DENND3: variants seen among roughly 807,000 people sequenced by gnomAD.
DENND3 encodes the protein DENN domain containing 3.
Under a neutral mutation model 135.1 loss-of-function variants are expected in DENND3, and 88 were observed. The observed-to-expected ratio is 0.65, with a 90% CI of 0.55 to 0.78. The LOEUF is 0.78. Ranked by LOEUF, DENND3 falls within the 30% of genes least tolerant of loss-of-function variation. DENND3 has a pLI of 0.00. For synonymous variants in DENND3, 693 were observed against 712.3 expected (o/e 0.97, Z 0.43); for missense variants, 1,392 against 1,688.4 (o/e 0.82, Z 3.08).
intron 8 of DENND3, among the ~76,000 whole-genome samples, chr8:141,158,438 A>G (rs1017979984): frequency 6.6e-6 from 1 of 152,212 alleles, no homozygotes; most frequent in African/African-American, 2.4e-5. Context: ...GAATAGAAAC[A>G]CACACGATAC....
In DENND3 at chr8:141,145,824, TATATATATATATATATATATATATA is replaced by T. The variant is rs1379691947; in HGVS notation, c.735+1566_735+1590del. On this transcript the variant is annotated intron_variant, in intron 5 of 22. Transcript: ENST00000519811. ...AATATTATATATATATATATATATA[TATATATATATATATATATATATATA>T]TGTATTTTTTTTTTTTTGAGGCGGA... 3.9e-3 allele frequency among the ~76,000 whole-genome samples: 157 copies of T among 40,364 alleles called. 3 individuals are homozygous for T. Among genetic ancestry groups the T allele is most frequent in the African/African-American group, 0.011 (118 of 10,330 alleles). The allele number at this position is 40,364 out of a possible 152,430, so 26.5% of individuals were successfully genotyped here.
At chr8:141,189,645 C>T (rs1165443111) in intron 19 of DENND3, among the ~76,000 whole-genome samples, 4 of 152,308 alleles carry the variant, frequency 2.6e-5, no homozygotes, top group Middle Eastern at 3.4e-3. Flanking sequence ...CAAGGCTGCC[C>T]ACTTGGTCCA....
At chr8:141,163,019 C>A (rs918903153) in intron 9 of DENND3, among the ~76,000 whole-genome samples, 2 of 152,188 alleles carry the variant, frequency 1.3e-5, no homozygotes, top group African/African-American at 4.8e-5. Context: ...TCTGGGCTCC[C>A]CACCCTGAAC....
chr8:141,192,755 C>T (rs1473659931), intron 22 of DENND3, 92 bp downstream of exon 22: 1 of 1,606,920 alleles, frequency 6.2e-7, no homozygotes, highest in African/African-American at 1.3e-5. Context: ...GCCGCACGCC[C>T]TCGTGCCCTC....
chr8:141,147,090 G>A (rs1364740627), intron 5 of DENND3, among the ~76,000 whole-genome samples: 1 of 152,204 alleles, frequency 6.6e-6, no homozygotes, highest in Non-Finnish European at 1.5e-5. Context: ...GAAGGTGACT[G>A]AGGGTTGCCG....
At position 141,166,734 on chromosome 8, in the gene DENND3, G is replaced by C. The variant is rs2048362; in HGVS notation, c.1753+345G>C. 1.4e-4 allele frequency among the ~76,000 whole-genome samples: 21 copies of C among 152,212 alleles called. No individual in the cohort carries two copies. Among genetic ancestry groups the C allele is most frequent in the African/African-American group, 4.6e-4 (19 of 41,514 alleles). ...ACACGTGTGATAGGAGGCAGGGAGC[G>C]CACCAGGCACTTTCTAGAGCCGGAG... On this transcript the variant is annotated intron_variant, in intron 12 of 22. Coordinates refer to ENST00000519811, the MANE Select transcript of DENND3 (RefSeq NM_001352890.3). The surrounding 1 kb of genome is among the most constrained non-coding windows in gnomAD (Gnocchi z 4.3).
At chr8:141,186,641 A>G (rs1269480921) in intron 18 of DENND3, among the ~76,000 whole-genome samples, 1 of 152,194 alleles carries the variant, frequency 6.6e-6, no homozygotes, top group East Asian at 1.9e-4. Flanking sequence ...CACACCCCTG[A>G]TTTAAAGCAA....
At position 141,138,217 on chromosome 8, in the gene DENND3, C is replaced by T; in HGVS notation, c.501+80C>T. The T allele has an allele frequency of 7.3e-7, 1 of 1,368,338 alleles. No homozygotes were observed. The highest frequency in any genetic ancestry group is 1.0e-6 in the Non-Finnish European group (1 of 985,964). 84.8% of individuals were successfully genotyped at this position (1,368,338 alleles called of 1,614,324 possible). ...TGAAATACACATAACACAACATTCA[C>T]CATTCTAACCATTTTAAAGTGTGCA... On this transcript the variant is annotated intron_variant, in intron 3 of 22. Coordinates refer to ENST00000519811, the MANE Select transcript of DENND3 (RefSeq NM_001352890.3). The surrounding 1 kb of genome is among the most constrained non-coding windows in gnomAD (Gnocchi z 4.8).
At chr8:141,148,498 C>A (rs1589579629) in intron 5 of DENND3, among the ~76,000 whole-genome samples, 1 of 152,034 alleles carries the variant, frequency 6.6e-6, no homozygotes, top group East Asian at 1.9e-4. Flanking sequence ...CACACACATT[C>A]TTCTCTTGTA....
chr8:141,130,206 T>C lies in DENND3; in HGVS notation c.102+1397T>C, dbSNP rs568323620. On this transcript the variant is annotated intron_variant, in intron 1 of 22. Coordinates refer to ENST00000519811, the MANE Select transcript of DENND3 (RefSeq NM_001352890.3). The surrounding 1 kb of genome is among the most constrained non-coding windows in gnomAD (Gnocchi z 4.2). ...GAATCAACTGGAATATTTGCAGTGG[T>C]GCTTTCTTTTTTTCAATTTCTTTAT... 9.3e-4 allele frequency among the ~76,000 whole-genome samples: 142 copies of C among 152,258 alleles called. 2 individuals are homozygous for C. The highest frequency in any genetic ancestry group is 3.1e-4 in the Non-Finnish European group (21 of 68,022).
chr8:141,178,240 A>T, intron 16 of DENND3, 44 bp downstream of exon 16: 1 of 1,579,236 alleles, frequency 6.3e-7, no homozygotes, highest in Non-Finnish European at 8.7e-7. Flanking sequence ...TCCTGATTAC[A>T]CGCCTTAAGT....
Position 141,168,082 on chromosome 8 carries a change from A to G in DENND3, c.1832A>G (p.Gln611Arg), listed in dbSNP as rs1298414316. 27 of 1,614,044 alleles carry G rather than the reference A, an allele frequency of 1.7e-5. No homozygotes were observed. Among genetic ancestry groups the G allele is most frequent in the Non-Finnish European group, 2.2e-5 (26 of 1,180,046 alleles). Reference protein sequence around the residue: ...IHFPLESKCVQAYHAHFVSML... With the variant: ...IHFPLESKCVRAYHAHFVSML... ...TTTCCGCTGGAGAGCAAGTGCGTGC[A>G]GGCATACCATGCCCACTTTGTCTCC... The change falls in exon 13 of 23, where the codon CAG (glutamine) becomes CGG (arginine). Residue 611 changes from glutamine to arginine, a missense_variant. By Grantham distance (43) the Gln-to-Arg change is conservative. Transcript: ENST00000519811. This position sits in a 1 kb window ranked among gnomAD's most constrained non-coding sequence, Gnocchi z 6.2.
intron 18 of DENND3, chr8:141,188,686 G>GTCTTGCAGAGAAAA: frequency 3.0e-6 from 1 of 333,720 alleles, no homozygotes. Context: ...AAATGCATGT[G>GTCTTGCAGAGAAAA]TGAGATGAGC....
intron 16 of DENND3, among the ~76,000 whole-genome samples, chr8:141,178,693 C>T (rs183637535): frequency 2.6e-5 from 4 of 152,318 alleles, no homozygotes; most frequent in Admixed American, 1.3e-4. Context: ...AGGCCCTGCA[C>T]GTCAGGATCC....
Position 141,176,478 on chromosome 8 carries a change from G to A in DENND3, c.2536-113G>A, listed in dbSNP as rs7833172. ...TGCCTTCCACATGCCAGCAGGATGC[G>A]TGCCTGCAGCCCATCTGCCTCTTCA... On this transcript the variant is annotated intron_variant, in intron 14 of 22. Coordinates refer to ENST00000519811, the MANE Select transcript of DENND3 (RefSeq NM_001352890.3). 1.6e-3 allele frequency: 2,075 copies of A among 1,312,274 alleles called. 47 individuals are homozygous for A. The African/African-American group carries it at 0.027, about 17-fold the overall frequency. The allele number at this position is 1,312,274 out of a possible 1,614,324, so 81.3% of individuals were successfully genotyped here.
chr8:141,181,229 G>T (rs1374538616), intron 17 of DENND3, among the ~76,000 whole-genome samples: 1 of 152,074 alleles, frequency 6.6e-6, no homozygotes, highest in Non-Finnish European at 1.5e-5. Context: ...GTGAATCTTG[G>T]CTCACTGCAT....
chr8:141,132,677 A>G (rs536420340), intron 1 of DENND3, among the ~76,000 whole-genome samples: 183 of 152,280 alleles, frequency 1.2e-3, no homozygotes, highest in African/African-American at 4.1e-3. Flanking sequence ...TATTTTTAAA[A>G]ATGAGATTGT....
At chr8:141,151,969 C>G in intron 7 of DENND3, 132 bp downstream of exon 7, 1 of 1,109,384 alleles carries the variant, frequency 9.0e-7, no homozygotes, top group South Asian at 1.5e-5. Context: ...TCACGGGTAC[C>G]GTGAGAAGTG....
At chr8:141,169,704 C>T (rs561374809) in intron 13 of DENND3, among the ~76,000 whole-genome samples, 10 of 152,208 alleles carry the variant, frequency 6.6e-5, no homozygotes, top group Admixed American at 4.6e-4. Context: ...GCACCTGACG[C>T]GGTACCTAGT....
Sources: allele counts gnomAD v4.1 joint callset (sites outside exome capture counted in the v4.1 genomes callset), GRCh38; gene constraint gnomAD v4.1.1; non-coding constraint Gnocchi (gnomAD v3.1); transcripts MANE v1.5; gene names NCBI Gene and HGNC (gene_info 2026-07-23, HGNC 2026-07-21).